NKAIN2: variants seen among roughly 807,000 people sequenced by gnomAD.
The protein encoded by NKAIN2 is sodium/potassium-transporting ATPase subunit beta-1-interacting protein 2.
A neutral mutation model predicts 32.6 loss-of-function variants in NKAIN2; 14 were observed. The observed-to-expected ratio is 0.43, with a 90% confidence interval of 0.28 to 0.67. The LOEUF (loss-of-function observed/expected upper bound fraction) is 0.67. Among genes scored for constraint, NKAIN2 ranks in the 30% least tolerant of loss-of-function variants. The probability of loss-of-function intolerance (pLI) is 0.17; values close to 1 mark genes in which losing one functional copy is unlikely to be tolerated. For synonymous variants in NKAIN2, 80 were observed against 87.2 expected, an observed-to-expected ratio of 0.92 and a Z score of 0.46; for missense variants, 198 against 258.3, an observed-to-expected ratio of 0.77 and a Z score of 1.60.
chr6:124,267,736 G>A (rs912137840), intron 1 of NKAIN2, among the ~76,000 whole-genome samples: 4 of 152,092 alleles, frequency 2.6e-5, no homozygotes, highest in South Asian at 2.1e-4. Context: ...TCTGACATAT[G>A]TTACTTTAAT....
chr6:124,343,141 T>C (rs1798218455), intron 2 of NKAIN2, among the ~76,000 whole-genome samples: 1 of 152,038 alleles, frequency 6.6e-6, no homozygotes, highest in East Asian at 1.9e-4. Context: ...TTCATCCATG[T>C]CCCTACAAAG....
At chr6:124,724,837 T>C (rs1776194510) in intron 4 of NKAIN2, among the ~76,000 whole-genome samples, 2 of 152,372 alleles carry the variant, frequency 1.3e-5, no homozygotes, top group South Asian at 4.1e-4. Context: ...AATATTTCCC[T>C]TTGGCCCATA....
chr6:124,808,291 C>G (rs1307047593), intron 5 of NKAIN2, among the ~76,000 whole-genome samples: 2 of 151,822 alleles, frequency 1.3e-5, no homozygotes, highest in South Asian at 2.1e-4. Flanking sequence ...CCACCATGAT[C>G]AAGTGGGCTT....
At chr6:124,386,864 C>T (rs1207083728) in intron 3 of NKAIN2, among the ~76,000 whole-genome samples, 1 of 152,148 alleles carries the variant, frequency 6.6e-6, no homozygotes, top group Non-Finnish European at 1.5e-5. Context: ...CATTGTCCCC[C>T]TAAACCTTTT....
intron 4 of NKAIN2, among the ~76,000 whole-genome samples, chr6:124,678,133 C>G (rs1370258306): frequency 2.0e-5 from 3 of 152,018 alleles, no homozygotes; most frequent in Non-Finnish European, 2.9e-5. Context: ...GTGCTACTTT[C>G]AAAATTCTGT....
At chr6:124,072,449 CT>C (rs1484310141) in intron 1 of NKAIN2, among the ~76,000 whole-genome samples, 10 of 151,796 alleles carry the variant, frequency 6.6e-5, no homozygotes, top group African/African-American at 2.2e-4. Context: ...CGTGTACCCC[CT>C]GAATCTAAAA....
intron 1 of NKAIN2, among the ~76,000 whole-genome samples, chr6:123,872,772 A>G (rs1192832162): frequency 2.0e-5 from 3 of 152,216 alleles, no homozygotes; most frequent in African/African-American, 7.2e-5. Context: ...TATGGGGAAT[A>G]AAACAAACCA....
intron 1 of NKAIN2, among the ~76,000 whole-genome samples, chr6:123,991,358 A>G (rs1779401928): frequency 6.6e-6 from 1 of 152,116 alleles, no homozygotes; most frequent in Non-Finnish European, 1.5e-5. Context: ...GGGTAGGCAA[A>G]GAGTATACTG....
chr6:123,874,885 CTACATACA>C (rs35937099), intron 1 of NKAIN2, among the ~76,000 whole-genome samples: 10 of 150,944 alleles, frequency 6.6e-5, no homozygotes, highest in African/African-American at 1.7e-4. Context: ...CTCGCTATTC[CTACATACA>C]TACATACATA....
chr6:124,104,405 T>C (rs1279382502), intron 1 of NKAIN2, among the ~76,000 whole-genome samples: 1 of 152,140 alleles, frequency 6.6e-6, no homozygotes, highest in Non-Finnish European at 1.5e-5. Context: ...CTTGAAACGC[T>C]TATCTGAATT....
rs149541738 is a variant in NKAIN2, at chr6:124,638,624, G to A, written c.274-19562G>A. On this transcript the variant is annotated intron_variant, in intron 3 of 6. Coordinates refer to ENST00000368417, the MANE Select transcript of NKAIN2 (RefSeq NM_001040214.3). ...AAGATAAGCAAAGAGGGCCGGGCGC[G>A]GTGGCTCACGCCTGTAATCTCAGCA... 1.8e-3 allele frequency among the ~76,000 whole-genome samples: 279 copies of A among 152,124 alleles called. 1 individual carries two copies. The highest frequency in any genetic ancestry group is 6.0e-3 in the African/African-American group (251 of 41,522).
At chr6:124,588,134 T>A (rs1781776210) in intron 3 of NKAIN2, among the ~76,000 whole-genome samples, 1 of 152,186 alleles carries the variant, frequency 6.6e-6, no homozygotes, top group Non-Finnish European at 1.5e-5. Context: ...AGGTACAGAT[T>A]TTATAGCAGC....
At chr6:124,813,512 T>G (rs1337279756) in intron 5 of NKAIN2, among the ~76,000 whole-genome samples, 1 of 152,202 alleles carries the variant, frequency 6.6e-6, no homozygotes, top group Admixed American at 6.5e-5. Context: ...TTTTGATCAC[T>G]GTTGATAACG....
intron 1 of NKAIN2, among the ~76,000 whole-genome samples, chr6:124,202,326 C>T (rs919724888): frequency 3.3e-5 from 5 of 151,922 alleles, no homozygotes; most frequent in Non-Finnish European, 5.9e-5. Flanking sequence ...TTTAGGTGCT[C>T]CTCAGTGTTC....
chr6:123,832,512 A>G (rs756942693), intron 1 of NKAIN2, among the ~76,000 whole-genome samples: 2 of 152,158 alleles, frequency 1.3e-5, no homozygotes, highest in African/African-American at 2.4e-5. Flanking sequence ...TTTGTATTCT[A>G]TGGTAAGAAT....
At chr6:123,897,698 C>T (rs1774351113) in intron 1 of NKAIN2, among the ~76,000 whole-genome samples, 2 of 152,092 alleles carry the variant, frequency 1.3e-5, no homozygotes, top group South Asian at 4.2e-4. Flanking sequence ...TCATCTCCTG[C>T]TTACTACCAA....
At chr6:124,131,559 A>C (rs1286566007) in intron 1 of NKAIN2, among the ~76,000 whole-genome samples, 1 of 152,204 alleles carries the variant, frequency 6.6e-6, no homozygotes, top group African/African-American at 2.4e-5. Flanking sequence ...GTGAGTTCCC[A>C]AAGTGTGAGA....
At chr6:123,837,318 G>C (rs557039062) in intron 1 of NKAIN2, among the ~76,000 whole-genome samples, 77 of 151,518 alleles carry the variant, frequency 5.1e-4, no homozygotes, top group Non-Finnish European at 9.3e-4. Context: ...TCCAATTATT[G>C]TCTTCCAGCT....
At chr6:124,664,560 C>T (rs896081443) in intron 4 of NKAIN2, among the ~76,000 whole-genome samples, 1 of 150,788 alleles carries the variant, frequency 6.6e-6, no homozygotes, top group South Asian at 2.1e-4. Flanking sequence ...CTTGGGAGGC[C>T]GAGGCGGGCG....
Sources: gnomAD v4.1 joint callset for allele counts (sites outside exome capture counted in the v4.1 genomes callset) on GRCh38, gnomAD v4.1.1 for gene constraint, MANE v1.5 for transcripts, NCBI Gene and HGNC (gene_info 2026-07-23, HGNC 2026-07-21) for gene names.